Variants in RPGRIP1 observed in about 807,000 individuals in gnomAD.
The protein encoded by RPGRIP1 is X-linked retinitis pigmentosa GTPase regulator-interacting protein 1.
Under a neutral mutation model 157.9 loss-of-function variants are expected in RPGRIP1, and 128 were observed. That is an observed-to-expected ratio of 0.81 (90% CI 0.70 to 0.94). The LOEUF (loss-of-function observed/expected upper bound fraction) is 0.94, where lower values mean the gene tolerates loss of function less well. Ranked by LOEUF, RPGRIP1 falls within the 40% of genes least tolerant of loss-of-function variation. The pLI is 0.00. For missense variants in RPGRIP1, 1,486 were observed against 1,545.8 expected (o/e 0.96, Z 0.65); for synonymous variants, 554 against 571.6 (o/e 0.97, Z 0.44).
At chr14:21,283,322 A>G (rs78881162) in intron 1 of RPGRIP1, among the ~76,000 whole-genome samples, 2,697 of 152,174 alleles carry the variant, frequency 0.018, 33 homozygotes, top group African/African-American at 0.048. Context: ...TTATTTTTTG[A>G]GAAGCTGTCT....
intron 2 of RPGRIP1, among the ~76,000 whole-genome samples, chr14:21,289,750 C>T (rs1403784888): frequency 6.6e-6 from 1 of 152,146 alleles, no homozygotes; most frequent in Admixed American, 6.5e-5. Flanking sequence ...CGCCTGTAAT[C>T]CCAGCACCTT....
In RPGRIP1 at chr14:21,310,872, A is replaced by C. The variant is rs556812237; in HGVS notation, c.930+265A>C. On this transcript the variant is annotated intron_variant, in intron 8 of 24. Coordinates refer to ENST00000400017, the MANE Select transcript of RPGRIP1 (RefSeq NM_020366.4). The stretch of plus-strand genomic sequence containing the variant: ...TATTTTTAAGCCTATTGCTGGAGCA[A>C]ATTATAGCATTTGCTCAAAACTTCC... 3 of 662,350 alleles carry C rather than the reference A, an allele frequency of 4.5e-6. No individual in the cohort carries two copies. In the African/African-American group the frequency reaches 5.3e-5, roughly 12 times the overall value. The allele number at this position is 662,350 out of a possible 1,614,324, so 41.0% of individuals were successfully genotyped here.
At chr14:21,345,840 G>C (rs1457064895) in intron 23 of RPGRIP1, among the ~76,000 whole-genome samples, 1 of 151,580 alleles carries the variant, frequency 6.6e-6, no homozygotes, top group Non-Finnish European at 1.5e-5. Context: ...TTTTTTTTGA[G>C]ACAGTGTCTC....
chr14:21,323,996 G>C (rs996108837), intron 14 of RPGRIP1: 1 of 156,332 alleles, frequency 6.4e-6, no homozygotes, highest in African/African-American at 2.4e-5. Flanking sequence ...CTATCTTTGC[G>C]TCCCACTGCC....
chr14:21,312,529 A>G (rs1340638493), intron 10 of RPGRIP1, 23 bp downstream of exon 10: 1 of 1,513,754 alleles, frequency 6.6e-7, no homozygotes, highest in African/African-American at 1.4e-5. Context: ...TTTGGGTCCC[A>G]GAGCAGTGTT....
chr14:21,299,215 T>C (rs1340456352), intron 3 of RPGRIP1, among the ~76,000 whole-genome samples: 2 of 152,052 alleles, frequency 1.3e-5, no homozygotes, highest in Non-Finnish European at 2.9e-5. Context: ...TTAGTCAGGC[T>C]GGTCTCGAAC....
intron 6 of RPGRIP1, among the ~76,000 whole-genome samples, chr14:21,306,844 C>T (rs1313499957): frequency 2.6e-5 from 4 of 151,626 alleles, no homozygotes; most frequent in African/African-American, 9.7e-5. Context: ...GGTGCAATCT[C>T]GGCTCACTGC....
intron 7 of RPGRIP1, among the ~76,000 whole-genome samples, chr14:21,309,683 CGTT>C (rs761243304): frequency 1.9e-4 from 29 of 151,916 alleles, no homozygotes; most frequent in Non-Finnish European, 4.1e-4. Flanking sequence ...TTTTTTTTCT[CGTT>C]GTCATTAAAG....
chr14:21,320,129 T>A lies in RPGRIP1; in HGVS notation c.1419T>A (p.Ser473=). 1 of 1,613,904 alleles carries A rather than the reference T, an allele frequency of 6.2e-7. No individual in the cohort carries two copies. The highest frequency in any genetic ancestry group is 1.1e-5 in the South Asian group (1 of 91,072). Residue 473 remains serine, a synonymous_variant, in exon 12 of 25, where the codon TCT becomes TCA. Coordinates refer to ENST00000400017, the MANE Select transcript of RPGRIP1 (RefSeq NM_020366.4). ...TTTCCCAACCTCCTGACAGGCAATC[T>A]GAACCAGCCACTCACCCAGCTGTAT... ...ATISQPPDRQ[S]EPATHPAVLQ... is the part of the protein sequence containing the mutation.
chr14:21,288,551 G>A (rs755217294), intron 2 of RPGRIP1, among the ~76,000 whole-genome samples: 4 of 144,790 alleles, frequency 2.8e-5, no homozygotes, highest in South Asian at 2.2e-4. Flanking sequence ...ACTCTCTCTC[G>A]TCCCCCAGGC....
At chr14:21,346,534 A>G (rs1885590525) in intron 23 of RPGRIP1, among the ~76,000 whole-genome samples, 1 of 152,200 alleles carries the variant, frequency 6.6e-6, no homozygotes, top group South Asian at 2.1e-4. Flanking sequence ...CCTGGGTGAC[A>G]AAGCAGACTC....
chr14:21,296,951 T>TAAA (rs34451423), intron 3 of RPGRIP1, among the ~76,000 whole-genome samples: 132 of 116,096 alleles, frequency 1.1e-3, no homozygotes, highest in Non-Finnish European at 2.0e-3. Flanking sequence ...AGACTCCATC[T>TAAA]AAAAAAAAAA....
chr14:21,318,184 G>A, intron 11 of RPGRIP1: 1 of 484,498 alleles, frequency 2.1e-6, no homozygotes, highest in Non-Finnish European at 4.0e-6. Context: ...TCAGCTCACT[G>A]CAACCTTCAC....
chr14:21,335,109 A>G (rs915937785), intron 21 of RPGRIP1, among the ~76,000 whole-genome samples: 4 of 151,836 alleles, frequency 2.6e-5, no homozygotes, highest in African/African-American at 9.7e-5. Flanking sequence ...ACACAAGTGA[A>G]GGGCAATCCA....
chr14:21,290,875 A>G (rs1880502108), intron 2 of RPGRIP1, among the ~76,000 whole-genome samples: 1 of 148,256 alleles, frequency 6.7e-6, no homozygotes, highest in Admixed American at 6.7e-5. Context: ...GGTGGTGCAC[A>G]CCTGTAGTCC....
intron 9 of RPGRIP1, among the ~76,000 whole-genome samples, chr14:21,312,218 G>A (rs1881569107): frequency 6.6e-6 from 1 of 152,118 alleles, no homozygotes; most frequent in Non-Finnish European, 1.5e-5. Flanking sequence ...CCCAGAAACA[G>A]TGAAGACTTA....
At chr14:21,284,635 C>T (rs924072321) in intron 1 of RPGRIP1, among the ~76,000 whole-genome samples, 42 of 150,040 alleles carry the variant, frequency 2.8e-4, no homozygotes, top group African/African-American at 8.9e-4. Flanking sequence ...TCCTCCGCCT[C>T]CCGGGTTCAA....
Position 21,325,042 on chromosome 14 carries a change from G to A in RPGRIP1, c.2187G>A (p.Glu729=), listed in dbSNP as rs746628235. 6.2e-7 allele frequency: 1 copy of A among 1,612,538 alleles called. No individual in the cohort carries two copies. The highest frequency in any genetic ancestry group is 8.5e-7 in the Non-Finnish European group (1 of 1,178,666). ...TTGACAGGGTGCTAGAGACTGTGGA[G>A]AAAGTCCATGGCTTGGCCACACTGA... The part of the protein sequence containing the change: ...ICFDRVLETV[E]KVHGLATLIG... Residue 729 remains glutamate (E), a synonymous_variant, in exon 15 of 25, where the codon GAG becomes GAA. Transcript: ENST00000400017.
At position 21,287,015 on chromosome 14, in the gene RPGRIP1, C is replaced by T. The variant is rs182761674; in HGVS notation, c.-38-924C>T. ...TCCAGCCTGGGGGACAGAATAAGAC[C>T]CTGCCAAAAGAAAAAAAAAAGAGGA... is the stretch of plus-strand genomic sequence containing the variant. On this transcript the variant is annotated intron_variant, in intron 1 of 24. Transcript: ENST00000400017. 4.9e-3 allele frequency among the ~76,000 whole-genome samples: 725 copies of T among 147,598 alleles called. 7 individuals carry two copies. The highest frequency in any genetic ancestry group is 0.017 in the African/African-American group (677 of 39,868).
Sources: allele counts gnomAD v4.1 joint callset (sites outside exome capture counted in the v4.1 genomes callset), GRCh38; gene constraint gnomAD v4.1.1; transcripts MANE v1.5; gene names NCBI Gene and HGNC (gene_info 2026-07-23, HGNC 2026-07-21).